Variants in EI24 observed in about 807,000 individuals in gnomAD.
EI24 encodes etoposide-induced protein 2.4 homolog.
In EI24, 21 loss-of-function variants were observed where a neutral mutation model predicts 48.6. That is an observed-to-expected ratio of 0.43 (90% CI 0.31 to 0.62). EI24 has a LOEUF of 0.62. Ranked by LOEUF, EI24 falls within the 20% of genes least tolerant of loss-of-function variation. The probability of loss-of-function intolerance (pLI) is 0.10; values close to 1 mark genes in which losing one functional copy is unlikely to be tolerated. For synonymous variants in EI24, 114 were observed against 145.5 expected (o/e 0.78, Z 1.56); for missense variants, 280 against 410.5 (o/e 0.68, Z 2.75).
At chr11:125,575,507 C>A in intron 3 of EI24, 99 bp downstream of exon 3, 1 of 1,331,786 alleles carries the variant, frequency 7.5e-7, no homozygotes, top group South Asian at 1.7e-5. Flanking sequence ...TGTGCTTTTT[C>A]CCAGAAAAAT....
intron 4 of EI24, among the ~76,000 whole-genome samples, 185 bp downstream of exon 4, chr11:125,576,500 T>C (rs533542104): frequency 1.3e-5 from 2 of 152,378 alleles, no homozygotes; most frequent in East Asian, 1.9e-4. Flanking sequence ...AGCACACTTA[T>C]ATGTAAGCAA....
At chr11:125,578,479 G>GC (rs1938843225) in intron 6 of EI24, among the ~76,000 whole-genome samples, 1 of 133,844 alleles carries the variant, frequency 7.5e-6, no homozygotes, top group Non-Finnish European at 1.6e-5. Flanking sequence ...TTTCGTTTTG[G>GC]CTTTTTTTTT....
At chr11:125,578,539 C>T (rs1270393254) in intron 6 of EI24, among the ~76,000 whole-genome samples, 1 of 134,896 alleles carries the variant, frequency 7.4e-6, no homozygotes, top group Non-Finnish European at 1.5e-5. Flanking sequence ...GGCTGGAGTG[C>T]ACTGCAACCT....
chr11:125,579,081 T>A lies in EI24; in HGVS notation c.561+13T>A. 6.4e-7 allele frequency: 1 copy of A among 1,555,260 alleles called. No homozygotes were observed. The highest frequency in any genetic ancestry group is 8.7e-7 in the Non-Finnish European group (1 of 1,149,008). On this transcript the variant is annotated intron_variant, in intron 7 of 10. Transcript: ENST00000278903. Reference sequence around the variant, plus strand: ...TTTCCTCATTCAGGTGAGACTGACCTTCTGGGCATATGGGCAGCTTTATTA... The same window carrying A: ...TTTCCTCATTCAGGTGAGACTGACCATCTGGGCATATGGGCAGCTTTATTA...
intron 9 of EI24, 50 bp from the exon 10 acceptor site, chr11:125,582,296 A>G: frequency 7.6e-6 from 11 of 1,453,622 alleles, no homozygotes; most frequent in South Asian, 2.6e-5. Context: ...CTTCAAAGTC[A>G]TGTCTGTTAT....
Position 125,583,886 on chromosome 11 carries a change from A to C in EI24, c.*203A>C, listed in dbSNP as rs961512617. 5.1e-5 allele frequency: 32 copies of C among 629,386 alleles called. No individual in the cohort carries two copies. The South Asian group carries it at 5.3e-4, about 10-fold the overall frequency. 39.0% of individuals were successfully genotyped at this position (629,386 alleles called of 1,614,324 possible). On this transcript the variant is annotated 3_prime_UTR_variant, in exon 11 of 11. Transcript: ENST00000278903. ...CCCTGACACCAGTGTGTGGATTTTT[A>C]ACATCACCGTGAGTCTGAAAGGACC...
intron 6 of EI24, among the ~76,000 whole-genome samples, chr11:125,578,655 G>A (rs941791442): frequency 1.3e-5 from 2 of 151,540 alleles, no homozygotes; most frequent in Non-Finnish European, 2.9e-5. Context: ...TTTTATTAGT[G>A]ACAGGGTTTC....
In EI24 at chr11:125,572,457, G is replaced by C; in HGVS notation, c.-70-1G>C. ...CTCCATTATGTTCCATCTGTTTCCA[G>C]ATCCTTCATGATGAGAGATTTGGGG... On this transcript the variant is annotated splice_acceptor_variant, in intron 1 of 10. Transcript: ENST00000278903. LOFTEE classifies it low-confidence loss of function (5UTR_SPLICE). 1 of 1,432,302 alleles carries C rather than the reference G, an allele frequency of 7.0e-7. No individual in the cohort carries two copies. The highest frequency in any genetic ancestry group is 9.8e-7 in the Non-Finnish European group (1 of 1,019,446). The allele number at this position is 1,432,302 out of a possible 1,614,324, so 88.7% of individuals were successfully genotyped here.
intron 2 of EI24, 131 bp from the exon 3 acceptor site, chr11:125,575,132 C>A: frequency 2.7e-6 from 2 of 743,346 alleles, no homozygotes; most frequent in Non-Finnish European, 4.0e-6. Context: ...GAGGCTGAGG[C>A]AGGAGGATCA....
At chr11:125,572,827 C>CTTT (rs35464386) in intron 2 of EI24, among the ~76,000 whole-genome samples, 4 of 105,408 alleles carry the variant, frequency 3.8e-5, no homozygotes, top group African/African-American at 1.4e-4. Context: ...GGCTTCAGAG[C>CTTT]TTTTTTTTTT....
chr11:125,580,546 G>A (rs1235489446), intron 8 of EI24, among the ~76,000 whole-genome samples: 2 of 152,204 alleles, frequency 1.3e-5, no homozygotes, highest in East Asian at 3.8e-4. Flanking sequence ...AAGACCTTCA[G>A]ATATTTACCA....
At chr11:125,581,537 CTTTTTTTTTTTTTT>C (rs33956827) in intron 9 of EI24, among the ~76,000 whole-genome samples, 6 of 50,752 alleles carry the variant, frequency 1.2e-4, no homozygotes, top group Admixed American at 3.3e-4. Context: ...AGCAATTATT[CTTTTTTTTTTTTTT>C]TTTTTTTTTT....
intron 2 of EI24, among the ~76,000 whole-genome samples, chr11:125,573,909 T>G (rs886907222): frequency 5.3e-5 from 8 of 151,978 alleles, no homozygotes; most frequent in Non-Finnish European, 1.2e-4. Context: ...CTTGAACTCC[T>G]GACCTCAGGT....
In EI24 at chr11:125,577,854, G is replaced by A. The variant is rs185897972; in HGVS notation, c.317-279G>A. The A allele has an allele frequency of 4.0e-4, 227 of 572,308 alleles. 1 individual carries two copies. In the African/African-American group the frequency reaches 4.0e-3, roughly 10 times the overall value. The allele number at this position is 572,308 out of a possible 1,614,324, so 35.5% of individuals were successfully genotyped here. ...GAGATTTAAACCCAGATGGTATCCT[G>A]CAGATAGCGTACTGGTAATCACTGT... On this transcript the variant is annotated intron_variant, in intron 5 of 10. Transcript: ENST00000278903.
At chr11:125,578,534 G>C (rs373018001) in intron 6 of EI24, among the ~76,000 whole-genome samples, 1 of 145,422 alleles carries the variant, frequency 6.9e-6, no homozygotes, top group Non-Finnish European at 1.5e-5. Flanking sequence ...GCCCAGGCTG[G>C]AGTGCACTGC....
chr11:125,583,475 T>A lies in EI24; in HGVS notation c.861-46T>A, dbSNP rs113626005. The A allele has an allele frequency of 1.3e-5, 19 of 1,467,494 alleles. No homozygotes were observed. In the African/African-American group the frequency reaches 2.4e-4, roughly 19 times the overall value. The allele number at this position is 1,467,494 out of a possible 1,614,324, so 90.9% of individuals were successfully genotyped here. On this transcript the variant is annotated intron_variant, in intron 10 of 10. Coordinates refer to ENST00000278903, the MANE Select transcript of EI24 (RefSeq NM_004879.5). ...TCAAGTTGTCAAACAACGGAAATAA[T>A]TTTGAGTAACTGGGGAGCTAACAAG...
intron 5 of EI24, 74 bp from the exon 6 acceptor site, chr11:125,578,059 G>T: frequency 6.3e-7 from 1 of 1,575,710 alleles, no homozygotes; most frequent in South Asian, 1.1e-5. Flanking sequence ...GAATAGTCAC[G>T]AGATGGGGGT....
At chr11:125,571,584 CAG>C (rs1208331340) in intron 1 of EI24, among the ~76,000 whole-genome samples, 3 of 152,080 alleles carry the variant, frequency 2.0e-5, no homozygotes, top group African/African-American at 4.8e-5. Context: ...AGTTAGAAAA[CAG>C]AAAAGACCAG....
chr11:125,581,835 CCATGCCCAGCCCTGCAGCAATGTTAAA>C (rs1939016685), intron 9 of EI24, among the ~76,000 whole-genome samples: 1 of 151,716 alleles, frequency 6.6e-6, no homozygotes, highest in South Asian at 2.1e-4. Context: ...ACATGAGCTA[CCATGCCCAGCCCTGCAGCAATGTTAAA>C]CATGCCCAGT....
Sources: gnomAD v4.1 joint callset for allele counts (sites outside exome capture counted in the v4.1 genomes callset) on GRCh38, gnomAD v4.1.1 for gene constraint, MANE v1.5 for transcripts, NCBI Gene and HGNC (gene_info 2026-07-23, HGNC 2026-07-21) for gene names.